Variants in GYG1 observed in about 807,000 individuals in gnomAD.
The protein encoded by GYG1 is glycogenin 1.
A neutral mutation model predicts 41.9 loss-of-function variants in GYG1; 44 were observed. That is an observed-to-expected ratio of 1.05 (90% CI 0.83 to 1.35). The LOEUF is 1.35. Among genes scored for constraint, GYG1 ranks in the 40% most tolerant of loss-of-function variants. GYG1 has a pLI of 0.00. For synonymous variants in GYG1, 141 were observed against 158.1 expected, an observed-to-expected ratio of 0.89 and a Z score of 0.81; for missense variants, 429 against 418.9, an observed-to-expected ratio of 1.02 and a Z score of -0.21.
At chr3:148,994,792 G>C (rs1011176896) in intron 2 of GYG1, among the ~76,000 whole-genome samples, 1 of 152,144 alleles carries the variant, frequency 6.6e-6, no homozygotes, top group African/African-American at 2.4e-5. Context: ...TTTACCAAAG[G>C]GCTTTCCAAA....
intron 5 of GYG1, among the ~76,000 whole-genome samples, chr3:149,017,788 A>G (rs1000419903): frequency 2.3e-5 from 3 of 129,580 alleles, no homozygotes; most frequent in African/African-American, 8.8e-5. Flanking sequence ...TTTTTTTTGT[A>G]TTTTAGTAGA....
Position 149,028,999 on chromosome 3 carries a change from G to T in GYG1, c.*2066G>T, listed in dbSNP as rs1044421746. On this transcript the variant is annotated 3_prime_UTR_variant, in exon 8 of 8. Coordinates refer to ENST00000345003, the MANE Select transcript of GYG1 (RefSeq NM_004130.4). ...CCCAAAGTGCTGGGATTACAGGCGT[G>T]AGCCACTGCACCCAGCAAATTTTTA... Among the ~76,000 whole-genome samples, 4 of 152,184 alleles carry T rather than the reference G, an allele frequency of 2.6e-5. No individual in the cohort carries two copies. Among genetic ancestry groups the T allele is most frequent in the African/African-American group, 9.6e-5 (4 of 41,452 alleles).
At chr3:149,017,937 T>A (rs1247174505) in intron 5 of GYG1, among the ~76,000 whole-genome samples, 1 of 152,046 alleles carries the variant, frequency 6.6e-6, no homozygotes, top group Non-Finnish European at 1.5e-5. Flanking sequence ...AGCCATGCAA[T>A]GTAAATTCTG....
chr3:148,998,522 G>A (rs1712930599), intron 4 of GYG1, among the ~76,000 whole-genome samples: 1 of 152,164 alleles, frequency 6.6e-6, no homozygotes, highest in Non-Finnish European at 1.5e-5. Flanking sequence ...CTCTCTACAT[G>A]CTCTAAAACA....
rs1023030451 is a variant in GYG1, at chr3:149,028,577, A to G, written c.*1644A>G. 6.6e-6 allele frequency among the ~76,000 whole-genome samples: 1 copy of G among 152,116 alleles called. No homozygotes were observed. The highest frequency in any genetic ancestry group is 1.5e-5 in the Non-Finnish European group (1 of 68,026). ...ACAGAAACACAGTCTTCAGATATAA[A>G]ATGTCTTATTTTTGTGGCCATTCAG... On this transcript the variant is annotated 3_prime_UTR_variant, in exon 8 of 8. Coordinates refer to ENST00000345003, the MANE Select transcript of GYG1 (RefSeq NM_004130.4).
chr3:149,028,871 C>T lies in GYG1; in HGVS notation c.*1938C>T, dbSNP rs1714796394. On this transcript the variant is annotated 3_prime_UTR_variant, in exon 8 of 8. Transcript: ENST00000345003. ...GAGTAGCTGGGACTACAGGCACGCA[C>T]CACCACGCCCAGCTAAATTTTGTAT... is the stretch of plus-strand genomic sequence containing the variant. Among the ~76,000 whole-genome samples the T allele has an allele frequency of 6.6e-6, 1 of 152,038 alleles. No individual in the cohort carries two copies. Among genetic ancestry groups the T allele is most frequent in the African/African-American group, 2.4e-5 (1 of 41,392 alleles).
rs1325266030 is a variant in GYG1 at position 149,030,174 on chromosome 3, C to T, written c.*3241C>T. 2 of 152,012 alleles carry T rather than the reference C, an allele frequency of 1.3e-5. No individual in the cohort carries two copies. The highest frequency in any genetic ancestry group is 1.9e-4 in the East Asian group (1 of 5,196). 9.4% of individuals were successfully genotyped at this position (152,012 alleles called of 1,614,324 possible). A position where few individuals can be genotyped will look rare whatever the true frequency, so the allele number is the denominator to read the frequency against. On this transcript the variant is annotated 3_prime_UTR_variant, in exon 8 of 8. Coordinates refer to ENST00000345003, the MANE Select transcript of GYG1 (RefSeq NM_004130.4). Reference sequence around the variant, plus strand: ...TTTTAAATTTAAAATCCAGTTTTAACCACAAAATTGTTTGAATCACAAGTG... The same window carrying T: ...TTTTAAATTTAAAATCCAGTTTTAATCACAAAATTGTTTGAATCACAAGTG...
intron 4 of GYG1, among the ~76,000 whole-genome samples, chr3:148,999,446 G>A (rs780204062): frequency 1.5e-4 from 23 of 152,282 alleles, no homozygotes; most frequent in Admixed American, 3.3e-4. Flanking sequence ...AGCAGTTCTC[G>A]AATCAAAGGT....
intron 6 of GYG1, 122 bp from the exon 7 acceptor site, chr3:149,026,330 C>T (rs1032811621): frequency 1.3e-6 from 1 of 769,420 alleles, no homozygotes; most frequent in Non-Finnish European, 2.4e-6. Flanking sequence ...TGAAATGTAG[C>T]CTGTTGGGTA....
At chr3:149,025,426 C>T (rs897834934) in intron 6 of GYG1, among the ~76,000 whole-genome samples, 2 of 152,184 alleles carry the variant, frequency 1.3e-5, no homozygotes, top group East Asian at 1.9e-4. Context: ...TTGTGCTGTG[C>T]GGCCTGGTTC....
intron 2 of GYG1, among the ~76,000 whole-genome samples, chr3:148,995,548 A>G (rs1712739038): frequency 6.6e-6 from 1 of 152,204 alleles, no homozygotes; most frequent in African/African-American, 2.4e-5. Flanking sequence ...GGATATGTCT[A>G]AGAAACCAGA....
chr3:149,013,097 C>T (rs1713829723), intron 5 of GYG1, among the ~76,000 whole-genome samples: 1 of 151,860 alleles, frequency 6.6e-6, no homozygotes, highest in African/African-American at 2.4e-5. Context: ...AAGTGATCCT[C>T]CCACTTCAGC....
chr3:149,021,978 C>T (rs1256642670), intron 5 of GYG1, among the ~76,000 whole-genome samples: 1 of 152,208 alleles, frequency 6.6e-6, no homozygotes, highest in Non-Finnish European at 1.5e-5. Flanking sequence ...CCTGGTCTAG[C>T]ACACAGGTGC....
intron 4 of GYG1, chr3:149,008,315 C>T (rs1713520175): frequency 6.6e-6 from 1 of 152,470 alleles, no homozygotes; most frequent in East Asian, 1.9e-4. Context: ...TGGTCTGGTC[C>T]CTGCCGCCTT....
rs116033627 is a variant in GYG1 at position 148,999,221 on chromosome 3, C to T, written c.481+2317C>T. The stretch of plus-strand genomic sequence containing the variant: ...TTTTTCAGCCAGAATCTGAAACCAC[C>T]GTGAGATTCTGTCTGTGCCTCTAGC... On this transcript the variant is annotated intron_variant, in intron 4 of 7. Coordinates refer to ENST00000345003, the MANE Select transcript of GYG1 (RefSeq NM_004130.4). Among the ~76,000 whole-genome samples the T allele has an allele frequency of 9.1e-3, 1,388 of 152,288 alleles. 27 individuals are homozygous for T. The highest frequency in any genetic ancestry group is 0.031 in the African/African-American group (1,285 of 41,538).
intron 4 of GYG1, among the ~76,000 whole-genome samples, chr3:149,007,683 G>T (rs1340578132): frequency 6.6e-6 from 1 of 152,230 alleles, no homozygotes; most frequent in Non-Finnish European, 1.5e-5. Flanking sequence ...TGGACTTGCT[G>T]TATGTTGAGA....
chr3:148,994,631 A>T (rs1576536815), intron 2 of GYG1, among the ~76,000 whole-genome samples: 1 of 152,200 alleles, frequency 6.6e-6, no homozygotes, highest in African/African-American at 2.4e-5. Flanking sequence ...ATTCATGGAC[A>T]TTCCTTTCCC....
chr3:149,004,039 T>A (rs990663303), intron 4 of GYG1: 1 of 152,356 alleles, frequency 6.6e-6, no homozygotes, highest in East Asian at 1.9e-4. Flanking sequence ...GTACCAAGTC[T>A]GTAGTTGCAA....
Position 149,024,160 on chromosome 3 carries a change from A to C in GYG1, c.716A>C (p.Asn239Thr), listed in dbSNP as rs759134229. Residue 239 changes from asparagine (N) to threonine (T), a missense_variant, in exon 6 of 8, where the codon AAC becomes ACC. Coordinates refer to ENST00000345003, the MANE Select transcript of GYG1 (RefSeq NM_004130.4). ...KSVKSEAHDP[N>T]MTHPEFLILW... is the part of the protein sequence containing the mutation. The stretch of plus-strand genomic sequence containing the variant: ...GTCAAAAGTGAGGCCCATGATCCCA[A>C]CATGACTCATCCAGAGTTTCTCATC... The C allele has an allele frequency of 1.1e-5, 17 of 1,613,264 alleles. No homozygotes were observed. Among genetic ancestry groups the C allele is most frequent in the Non-Finnish European group, 1.2e-5 (14 of 1,179,308 alleles).
Sources: gnomAD v4.1 joint callset for allele counts (sites outside exome capture counted in the v4.1 genomes callset) on GRCh38, gnomAD v4.1.1 for gene constraint, MANE v1.5 for transcripts, NCBI Gene and HGNC (gene_info 2026-07-23, HGNC 2026-07-21) for gene names.